ANKRD17: variants seen among roughly 807,000 people sequenced by gnomAD.
ANKRD17 encodes ankyrin repeat domain-containing protein 17.
ANKRD17 carries 19 observed loss-of-function variants against 229.7 expected under a neutral mutation model. The observed-to-expected ratio is 0.08, with a 90% CI of 0.06 to 0.12. The LOEUF (loss-of-function observed/expected upper bound fraction) is 0.12. ANKRD17 is among the 10% of genes least tolerant of loss of function. ANKRD17 has a pLI of 1.00. For missense variants in ANKRD17, 2,176 were observed against 3,176.8 expected, an observed-to-expected ratio of 0.68 and a Z score of 7.57; for synonymous variants, 1,112 against 1,146.1, an observed-to-expected ratio of 0.97 and a Z score of 0.60.
In ANKRD17 at chr4:73,120,371, G is replaced by A. The variant is rs143387647; in HGVS notation, c.3850-34C>T. On this transcript the variant is annotated intron_variant, in intron 20 of 33. Coordinates refer to ENST00000358602, the MANE Select transcript of ANKRD17 (RefSeq NM_032217.5). ...AGTGTAAAATTAAAAGTAATGACACGTAAGAGACTGGAAAGATCTAAAATT... is the reference window on the plus strand; with the variant it reads ...AGTGTAAAATTAAAAGTAATGACACATAAGAGACTGGAAAGATCTAAAATT... 3,117 of 1,585,436 alleles carry A rather than the reference G, an allele frequency of 2.0e-3. 11 individuals carry two copies. Among genetic ancestry groups the A allele is most frequent in the Non-Finnish European group, 1.7e-3 (1,965 of 1,158,804 alleles).
At chr4:73,176,760 A>G (rs10011483) in intron 2 of ANKRD17, among the ~76,000 whole-genome samples, 13,474 of 152,238 alleles carry the variant, frequency 0.089, 2,039 homozygotes, top group African/African-American at 0.31. Flanking sequence ...TAGGTGATGG[A>G]TAGCCCATTT....
chr4:73,219,122 A>T (rs903817594), intron 1 of ANKRD17, among the ~76,000 whole-genome samples: 1 of 152,212 alleles, frequency 6.6e-6, no homozygotes, highest in Non-Finnish European at 1.5e-5. Context: ...AAACTTCTTG[A>T]TGAATGGAAA....
At chr4:73,101,542 G>A (rs1315689105) in intron 25 of ANKRD17, among the ~76,000 whole-genome samples, 1 of 151,720 alleles carries the variant, frequency 6.6e-6, no homozygotes, top group Non-Finnish European at 1.5e-5. Flanking sequence ...GCACGTCCCT[G>A]TAGTCCCAGC....
intron 2 of ANKRD17, 22 bp downstream of exon 2, chr4:73,177,358 T>C: frequency 6.7e-7 from 1 of 1,496,434 alleles, no homozygotes; most frequent in Non-Finnish European, 9.0e-7. Flanking sequence ...AAGGTAGACT[T>C]ATTACTATGT....
chr4:73,248,610 T>C (rs1466859935), intron 1 of ANKRD17, among the ~76,000 whole-genome samples: 1 of 152,032 alleles, frequency 6.6e-6, no homozygotes, highest in Non-Finnish European at 1.5e-5. Context: ...CTAATAATCA[T>C]AGCTAATAAG....
At chr4:73,107,964 A>G (rs1724841223) in intron 24 of ANKRD17, among the ~76,000 whole-genome samples, 1 of 152,178 alleles carries the variant, frequency 6.6e-6, no homozygotes, top group East Asian at 1.9e-4. Context: ...ATGAGATTAA[A>G]TTAATTGTTT....
chr4:73,206,284 C>T (rs1404446714), intron 1 of ANKRD17, among the ~76,000 whole-genome samples: 3 of 151,972 alleles, frequency 2.0e-5, no homozygotes, highest in African/African-American at 7.3e-5. Flanking sequence ...TATCTGCACT[C>T]CCACCCATGT....
intron 1 of ANKRD17, among the ~76,000 whole-genome samples, chr4:73,221,945 G>A (rs185593748): frequency 5.3e-5 from 8 of 152,216 alleles, no homozygotes; most frequent in Middle Eastern, 3.4e-3. Context: ...TTTATAATGC[G>A]CATAGGCTTT....
chr4:73,245,570 C>T (rs888199578), intron 1 of ANKRD17, among the ~76,000 whole-genome samples: 1 of 152,228 alleles, frequency 6.6e-6, no homozygotes, highest in African/African-American at 2.4e-5. Flanking sequence ...CACTAACTGC[C>T]TGCCGTACAG....
chr4:73,137,652 AGTAGCCAAAT>A (rs1192210158), intron 15 of ANKRD17, among the ~76,000 whole-genome samples: 7 of 152,126 alleles, frequency 4.6e-5, no homozygotes, highest in South Asian at 2.1e-4. Context: ...GTTGCAGGTA[AGTAGCCAAAT>A]GTTTTCAATC....
chr4:73,204,269 G>A (rs1003752575), intron 1 of ANKRD17, among the ~76,000 whole-genome samples: 2 of 149,110 alleles, frequency 1.3e-5, no homozygotes, highest in Admixed American at 6.8e-5. Flanking sequence ...GCTGAGGCGG[G>A]AGAATGGCGT....
chr4:73,245,867 G>A (rs577644589), intron 1 of ANKRD17, among the ~76,000 whole-genome samples: 44 of 152,208 alleles, frequency 2.9e-4, no homozygotes, highest in African/African-American at 1.1e-3. Flanking sequence ...ACATAGTCCC[G>A]ATCTAAGAAA....
chr4:73,076,583 T>C (rs976588882), intron 33 of ANKRD17, among the ~76,000 whole-genome samples: 3 of 152,114 alleles, frequency 2.0e-5, no homozygotes, highest in African/African-American at 7.2e-5. Flanking sequence ...TATACAACCA[T>C]TTATGTGAAT....
chr4:73,191,459 ATGT>A (rs113782685), intron 1 of ANKRD17, among the ~76,000 whole-genome samples: 27,082 of 150,768 alleles, frequency 0.18, 2,740 homozygotes, highest in African/African-American at 0.27. Flanking sequence ...ATAAGAGATT[ATGT>A]TGTTGCTATA....
chr4:73,249,105 A>T (rs1398492594), intron 1 of ANKRD17, among the ~76,000 whole-genome samples: 1 of 152,238 alleles, frequency 6.6e-6, no homozygotes, highest in Non-Finnish European at 1.5e-5. Context: ...ACATATATTT[A>T]TTCTAAATTC....
rs763193063 is a variant in ANKRD17 at position 73,102,497 on chromosome 4, T to C, written c.4452A>G (p.Arg1484=). The C allele has an allele frequency of 1.9e-6, 3 of 1,604,268 alleles. No individual in the cohort carries two copies. The highest frequency in any genetic ancestry group is 1.7e-5 in the Admixed American group (1 of 57,872). ...CCTTTTTCTTCCTTCTCTTCTCTTT[T>C]CTTTTTTCTCTTTTCGCAGCCAAAG... is the stretch of plus-strand genomic sequence containing the variant. The part of the protein sequence containing the change: ...RLALAAKREK[R]KEKRRKKKEE... Residue 1484 remains arginine, a synonymous_variant, in exon 25 of 34, where the codon AGA becomes AGG. Transcript: ENST00000358602.
intron 9 of ANKRD17, among the ~76,000 whole-genome samples, 169 bp downstream of exon 9, chr4:73,147,072 C>T (rs1730375981): frequency 6.6e-6 from 1 of 152,126 alleles, no homozygotes; most frequent in African/African-American, 2.4e-5. Flanking sequence ...GCTGCAGATA[C>T]TTCAAACAGC....
rs1050853601 is a variant in ANKRD17, at chr4:73,084,677, G to C, written c.7159+572C>G. On this transcript the variant is annotated intron_variant, in intron 30 of 33. Coordinates refer to ENST00000358602, the MANE Select transcript of ANKRD17 (RefSeq NM_032217.5). ...TTGGCCGAGCTGGTCTTGAACTCCT[G>C]ACCTCAGGTGATCCACCCGCCTTGG... 4.6e-5 allele frequency among the ~76,000 whole-genome samples: 7 copies of C among 152,180 alleles called. No individual in the cohort carries two copies. The South Asian group carries it at 1.5e-3, about 32-fold the overall frequency.
chr4:73,241,171 T>C (rs1743998136), intron 1 of ANKRD17, among the ~76,000 whole-genome samples: 1 of 152,046 alleles, frequency 6.6e-6, no homozygotes, highest in Non-Finnish European at 1.5e-5. Context: ...TGTTGTATTG[T>C]GGAAATACAT....
Sources: gnomAD v4.1 joint callset for allele counts (sites outside exome capture counted in the v4.1 genomes callset) on GRCh38, gnomAD v4.1.1 for gene constraint, MANE v1.5 for transcripts, NCBI Gene and HGNC (gene_info 2026-07-23, HGNC 2026-07-21) for gene names.